Variants in FGFR1OP2 observed in about 807,000 individuals in gnomAD.
The protein encoded by FGFR1OP2 is fibroblast growth factor receptor 1 oncogene partner 2.
In FGFR1OP2, 17 loss-of-function variants were observed where a neutral mutation model predicts 35.2. That is an observed-to-expected ratio of 0.48 (90% CI 0.33 to 0.73). The LOEUF is 0.73. Among genes scored for constraint, FGFR1OP2 ranks in the 30% least tolerant of loss-of-function variants. The pLI is 0.02. For missense variants in FGFR1OP2, 251 were observed against 307.3 expected (o/e 0.82, Z 1.37); for synonymous variants, 105 against 104.6 (o/e 1.00, Z -0.03).
In FGFR1OP2 at chr12:26,956,478, T is replaced by C. The variant is rs916485988; in HGVS notation, c.136-65T>C. On this transcript the variant is annotated intron_variant, in intron 2 of 6. Coordinates refer to ENST00000229395, the MANE Select transcript of FGFR1OP2 (RefSeq NM_015633.3). ...TTTCAGATATATTTATATTTATATA[T>C]CATATATATATATATATATATATTT... The C allele has an allele frequency of 2.9e-5, 7 of 244,710 alleles. No homozygotes were observed. The African/African-American group carries it at 3.1e-4, about 11-fold the overall frequency. The allele number at this position is 244,710 out of a possible 1,614,324, so 15.2% of individuals were successfully genotyped here.
At chr12:26,951,428 T>C (rs1395190426) in intron 1 of FGFR1OP2, among the ~76,000 whole-genome samples, 1 of 152,198 alleles carries the variant, frequency 6.6e-6, no homozygotes, top group African/African-American at 2.4e-5. Context: ...CAAGCAATTC[T>C]CTTGCCTCAG....
intron 4 of FGFR1OP2, among the ~76,000 whole-genome samples, chr12:26,960,073 C>T (rs1195063332): frequency 6.6e-6 from 1 of 151,854 alleles, no homozygotes; most frequent in African/African-American, 2.4e-5. Context: ...GGTAGGTAAA[C>T]AAGCAGAAGT....
rs1258674342 is a variant in FGFR1OP2 at position 26,954,247 on chromosome 12, T to C, written c.89T>C (p.Ile30Thr). The C allele has an allele frequency of 7.4e-6, 12 of 1,612,438 alleles. No homozygotes were observed. The highest frequency in any genetic ancestry group is 4.5e-5 in the East Asian group (2 of 44,824). ...RDHDDAAESLIEQTTALNKRV... is the reference protein window; with the variant it reads ...RDHDDAAESLTEQTTALNKRV... The stretch of plus-strand genomic sequence containing the variant: ...CATGACGATGCAGCAGAATCTCTGA[T>C]TGAGCAAACCACAGCTCTCAACAAG... The change falls in exon 2 of 7, where the codon ATT becomes ACT. Residue 30 changes from isoleucine (I) to threonine (T), a missense_variant. Physicochemically the swap from Ile to Thr is moderately conservative, Grantham distance 89 (BLOSUM62 -1). Coordinates refer to ENST00000229395, the MANE Select transcript of FGFR1OP2 (RefSeq NM_015633.3).
chr12:26,961,123 A>G (rs1267776735), intron 5 of FGFR1OP2: 1 of 152,390 alleles, frequency 6.6e-6, no homozygotes, highest in Non-Finnish European at 1.5e-5. Context: ...TTTTTAACTC[A>G]CTTGTGGCAG....
chr12:26,959,660 T>C (rs549354330), intron 4 of FGFR1OP2, among the ~76,000 whole-genome samples: 7 of 152,312 alleles, frequency 4.6e-5, no homozygotes, highest in African/African-American at 1.4e-4. Flanking sequence ...CATCCTTTTT[T>C]ATTATGTAGA....
rs143326108 is a variant in FGFR1OP2 at position 26,956,598 on chromosome 12, C to T, written c.191C>T (p.Thr64Met). ...NEVARHRPRS[T>M]LVMGIQQENR... is the part of the protein sequence containing the mutation. Reference sequence around the variant, plus strand: ...GTCGCGAGACATCGGCCACGGTCCACGTTAGTTATGGGAATCCAGCAAGAA... The same window carrying T: ...GTCGCGAGACATCGGCCACGGTCCATGTTAGTTATGGGAATCCAGCAAGAA... Residue 64 changes from threonine to methionine, a missense_variant, in exon 3 of 7, where the codon ACG (threonine) becomes ATG (methionine). Coordinates refer to ENST00000229395, the MANE Select transcript of FGFR1OP2 (RefSeq NM_015633.3). The T allele has an allele frequency of 1.5e-5, 24 of 1,605,616 alleles. No individual in the cohort carries two copies. The highest frequency in any genetic ancestry group is 6.8e-5 in the East Asian group (3 of 44,244).
Position 26,952,268 on chromosome 12 carries a change from TTG to T in FGFR1OP2, c.-14-1876_-14-1875del, listed in dbSNP as rs146509210. Among the ~76,000 whole-genome samples the T allele has an allele frequency of 4.3e-3, 651 of 151,786 alleles. 4 individuals are homozygous for T. The highest frequency in any genetic ancestry group is 0.015 in the African/African-American group (626 of 41,494). On this transcript the variant is annotated intron_variant, in intron 1 of 6. Coordinates refer to ENST00000229395, the MANE Select transcript of FGFR1OP2 (RefSeq NM_015633.3). ...TGTCTACAGTTTTAGATAATTTCCT[TTG>T]GAAATTTAGAGGAAGTACAGGGTAT...
intron 5 of FGFR1OP2, chr12:26,960,835 C>T: frequency 1.6e-6 from 1 of 641,592 alleles, no homozygotes; most frequent in Non-Finnish European, 2.2e-6. Flanking sequence ...CATGTACAGC[C>T]TGTTAGATAT....
chr12:26,954,073 G>A (rs1592251110), intron 1 of FGFR1OP2, 72 bp from the exon 2 acceptor site: 2 of 1,157,044 alleles, frequency 1.7e-6, no homozygotes, highest in East Asian at 2.6e-5. Context: ...AAGCATATCT[G>A]TGTTGACATG....
chr12:26,954,736 G>A (rs1056023352), intron 2 of FGFR1OP2, among the ~76,000 whole-genome samples: 2 of 152,144 alleles, frequency 1.3e-5, no homozygotes, highest in African/African-American at 4.8e-5. Context: ...ACTCTGTGCA[G>A]TTATTGTACC....
chr12:26,964,979 A>T lies in FGFR1OP2; in HGVS notation c.*246A>T. ...TGAAAAGTTTTCACAGTGACTACTG[A>T]ATATACCAAGAGCTTTTGGCAGTAC... On this transcript the variant is annotated 3_prime_UTR_variant, in exon 7 of 7. Coordinates refer to ENST00000229395, the MANE Select transcript of FGFR1OP2 (RefSeq NM_015633.3). The T allele has an allele frequency of 2.8e-6, 1 of 355,150 alleles. No individual in the cohort carries two copies. Among genetic ancestry groups the T allele is most frequent in the South Asian group, 9.4e-5 (1 of 10,620 alleles). 22.0% of individuals were successfully genotyped at this position (355,150 alleles called of 1,614,324 possible).
intron 1 of FGFR1OP2, among the ~76,000 whole-genome samples, chr12:26,939,159 T>G (rs901620148): frequency 6.6e-6 from 1 of 152,190 alleles, no homozygotes; most frequent in Non-Finnish European, 1.5e-5. Flanking sequence ...ATGGTTCCAG[T>G]ATCTGTCCTG....
chr12:26,963,562 A>G (rs1565852620), intron 6 of FGFR1OP2, 107 bp downstream of exon 6: 1 of 690,542 alleles, frequency 1.4e-6, no homozygotes, highest in South Asian at 2.3e-5. Flanking sequence ...GGTACTGGTA[A>G]TGTTCTCCTG....
chr12:26,939,895 AT>A (rs569887471), intron 1 of FGFR1OP2, among the ~76,000 whole-genome samples: 4 of 152,298 alleles, frequency 2.6e-5, no homozygotes, highest in African/African-American at 7.2e-5. Context: ...AAATCATAGA[AT>A]TTTGGGCCAG....
chr12:26,956,569 T>C lies in FGFR1OP2; in HGVS notation c.162T>C (p.Asn54=), dbSNP rs376919620. The C allele has an allele frequency of 1.4e-4, 221 of 1,578,700 alleles. 1 individual carries two copies. Among genetic ancestry groups the C allele is most frequent in the Non-Finnish European group, 1.9e-4 (215 of 1,162,082 alleles). The change falls in exon 3 of 7, where the codon AAT becomes AAC. Residue 54 remains asparagine (N), a synonymous_variant. Transcript: ENST00000229395. The part of the protein sequence containing the change: ...KQYQEEIQEL[N]EVARHRPRST... The stretch of plus-strand genomic sequence containing the variant: ...ATCAGGAAGAAATTCAAGAACTTAA[T>C]GAAGTCGCGAGACATCGGCCACGGT...
At chr12:26,942,663 T>C (rs1246001056) in intron 1 of FGFR1OP2, among the ~76,000 whole-genome samples, 1 of 152,252 alleles carries the variant, frequency 6.6e-6, no homozygotes, top group Non-Finnish European at 1.5e-5. Flanking sequence ...ATAGTCATTT[T>C]AAGAGGACAG....
intron 1 of FGFR1OP2, among the ~76,000 whole-genome samples, chr12:26,943,717 C>G (rs1308710253): frequency 6.6e-6 from 1 of 152,080 alleles, no homozygotes; most frequent in Admixed American, 6.5e-5. Flanking sequence ...CTCAGCTACT[C>G]TGGAGGCTGA....
At chr12:26,960,868 A>C (rs2136360430) in intron 5 of FGFR1OP2, 1 of 345,330 alleles carries the variant, frequency 2.9e-6, no homozygotes, top group South Asian at 9.4e-5. Flanking sequence ...TAGGTTATTC[A>C]GTCCAACGCT....
chr12:26,950,213 G>GTTTTTTGTTTTTTTTTTT (rs1938899551), intron 1 of FGFR1OP2, among the ~76,000 whole-genome samples: 2 of 50,934 alleles, frequency 3.9e-5, no homozygotes, highest in African/African-American at 1.6e-4. Context: ...TGTATTCGTT[G>GTTTTTTGTTTTTTTTTTT]TTTTTTTTTT....
Sources: gnomAD v4.1 joint callset for allele counts (sites outside exome capture counted in the v4.1 genomes callset) on GRCh38, gnomAD v4.1.1 for gene constraint, MANE v1.5 for transcripts, NCBI Gene and HGNC (gene_info 2026-07-23, HGNC 2026-07-21) for gene names.